TCF7L2: variants seen among roughly 807,000 people sequenced by gnomAD.
The protein encoded by TCF7L2 is transcription factor 7 like 2.
Under a neutral mutation model 77.9 loss-of-function variants are expected in TCF7L2, and 23 were observed. The observed-to-expected ratio is 0.30, with a 90% CI of 0.21 to 0.42. The LOEUF is 0.42. Among genes scored for constraint, TCF7L2 ranks in the 10% least tolerant of loss-of-function variants. The pLI, the probability that TCF7L2 is intolerant of heterozygous loss-of-function variation, is 1.00. For missense variants in TCF7L2, 654 were observed against 793.1 expected (o/e 0.82, Z 2.11); for synonymous variants, 413 against 340.2 (o/e 1.21, Z -2.36).
At chr10:113,110,125 A>G (rs2062932869) in intron 5 of TCF7L2, among the ~76,000 whole-genome samples, 1 of 152,226 alleles carries the variant, frequency 6.6e-6, no homozygotes. Flanking sequence ...CTTCCTCTGA[A>G]TTTGGGAAGC....
chr10:113,156,902 A>G (rs770578410), intron 11 of TCF7L2, among the ~76,000 whole-genome samples: 5 of 152,226 alleles, frequency 3.3e-5, no homozygotes, highest in Admixed American at 1.3e-4. Context: ...TGAAACTGGA[A>G]TGGTGGTAAT....
chr10:112,982,781 C>T (rs1226816374), intron 4 of TCF7L2, among the ~76,000 whole-genome samples: 1 of 152,118 alleles, frequency 6.6e-6, no homozygotes, highest in African/African-American at 2.4e-5. Context: ...CGCACTACCA[C>T]GCCCGGCTAA....
intron 3 of TCF7L2, among the ~76,000 whole-genome samples, chr10:112,964,178 C>A (rs1051265798): frequency 1.3e-5 from 2 of 152,102 alleles, no homozygotes; most frequent in African/African-American, 4.8e-5. Flanking sequence ...CTACATGTTG[C>A]AATTCTGATG....
rs1473800678 is a variant in TCF7L2 at position 113,160,665 on chromosome 10, A to G, written c.1365A>G (p.Arg455=). The change falls in exon 13 of 14, where the codon CGA becomes CGG. Residue 455 remains arginine (R), a synonymous_variant. Coordinates refer to ENST00000627217, the MANE Select transcript of TCF7L2 (RefSeq NM_001146274.2). ...GTCGGGCACTGTTCGGGCTTGACCG[A>G]CAGACTTTATGGTGCAAACCGTGCA... 2.5e-6 allele frequency: 4 copies of G among 1,596,456 alleles called. No homozygotes were observed. The highest frequency in any genetic ancestry group is 3.4e-6 in the Non-Finnish European group (4 of 1,171,102).
intron 5 of TCF7L2, among the ~76,000 whole-genome samples, chr10:113,116,250 T>G (rs1192542175): frequency 2.0e-5 from 3 of 152,228 alleles, no homozygotes; most frequent in Non-Finnish European, 4.4e-5. Context: ...TTTGCCAGTT[T>G]GAACTTGTGT....
chr10:112,967,635 GT>G (rs111510229), intron 4 of TCF7L2, among the ~76,000 whole-genome samples: 91 of 141,682 alleles, frequency 6.4e-4, no homozygotes, highest in South Asian at 3.1e-3. Flanking sequence ...AAAATTAAAA[GT>G]TTTTTTTTTT....
At chr10:113,159,598 A>G (rs1015404676) in intron 12 of TCF7L2, among the ~76,000 whole-genome samples, 1 of 152,158 alleles carries the variant, frequency 6.6e-6, no homozygotes, top group African/African-American at 2.4e-5. Flanking sequence ...TTCCATGTCT[A>G]ACTTCCCTTT....
At chr10:112,968,815 G>A (rs2037594561) in intron 4 of TCF7L2, among the ~76,000 whole-genome samples, 1 of 152,014 alleles carries the variant, frequency 6.6e-6, no homozygotes, top group Admixed American at 6.6e-5. Flanking sequence ...TCCTGACCTC[G>A]TGATCCGGCC....
intron 5 of TCF7L2, among the ~76,000 whole-genome samples, chr10:113,050,298 C>A (rs926110122): frequency 2.0e-5 from 3 of 152,120 alleles, no homozygotes; most frequent in Admixed American, 6.5e-5. Context: ...GTGAAAAAAA[C>A]AGCAAGCATT....
chr10:112,994,893 AGTTCC>A (rs2043185828), intron 4 of TCF7L2, among the ~76,000 whole-genome samples: 1 of 152,112 alleles, frequency 6.6e-6, no homozygotes, highest in African/African-American at 2.4e-5. Context: ...TAAGGTCAGG[AGTTCC>A]AGACCAGCCT....
At chr10:113,083,259 GACAC>G (rs10649541) in intron 5 of TCF7L2, among the ~76,000 whole-genome samples, 11,557 of 143,398 alleles carry the variant, frequency 0.081, 565 homozygotes, top group Non-Finnish European at 0.11. Flanking sequence ...TATACTGATA[GACAC>G]ACACACACAC....
chr10:113,038,421 G>C (rs528772173), intron 4 of TCF7L2, among the ~76,000 whole-genome samples: 1 of 152,268 alleles, frequency 6.6e-6, no homozygotes, highest in African/African-American at 2.4e-5. Flanking sequence ...GACGTCATGG[G>C]AAAATCGACT....
rs774980300 is a variant in TCF7L2 at position 113,152,347 on chromosome 10, C to G, written c.1176C>G (p.Ser392=). ...GTCCCCTCCAGTGGCATGCACTGTC[C>G]AGAGAAGAGCAAGCGAAATACTACG... The change falls in exon 11 of 14, where the codon TCC becomes TCG. Residue 392 remains serine, a synonymous_variant. Transcript: ENST00000627217. 3.7e-6 allele frequency: 6 copies of G among 1,613,992 alleles called. No individual in the cohort carries two copies. Among genetic ancestry groups the G allele is most frequent in the Non-Finnish European group, 5.1e-6 (6 of 1,179,994 alleles).
intron 5 of TCF7L2, chr10:113,126,667 T>C: frequency 1.0e-6 from 1 of 985,268 alleles, no homozygotes; most frequent in Non-Finnish European, 1.2e-6. Flanking sequence ...GATAATTCTG[T>C]GAATGGAACT....
intron 5 of TCF7L2, among the ~76,000 whole-genome samples, chr10:113,065,076 C>T (rs1156807527): frequency 2.0e-5 from 3 of 152,208 alleles, no homozygotes; most frequent in African/African-American, 7.2e-5. Flanking sequence ...TTCCCTGACT[C>T]CACCTGTCAT....
intron 3 of TCF7L2, among the ~76,000 whole-genome samples, chr10:112,953,877 T>G (rs2134278952): frequency 6.6e-6 from 1 of 152,364 alleles, no homozygotes. Flanking sequence ...AACACATTTC[T>G]GAACTCAGTA....
intron 11 of TCF7L2, among the ~76,000 whole-genome samples, chr10:113,153,146 C>T (rs1443727090): frequency 6.6e-6 from 1 of 152,198 alleles, no homozygotes; most frequent in African/African-American, 2.4e-5. Context: ...GTAGGAAACA[C>T]CATGGGATGA....
intron 5 of TCF7L2, among the ~76,000 whole-genome samples, chr10:113,101,549 AAAG>A (rs2061635616): frequency 6.6e-6 from 1 of 151,702 alleles, no homozygotes; most frequent in South Asian, 2.1e-4. Context: ...CCTCTTAAAA[AAAG>A]AAGAGAGGGG....
chr10:112,972,517 T>A (rs1370308661), intron 4 of TCF7L2, among the ~76,000 whole-genome samples: 1 of 152,220 alleles, frequency 6.6e-6, no homozygotes, highest in Non-Finnish European at 1.5e-5. Flanking sequence ...TCACCCAGGC[T>A]GGAGCACAGT....
Sources: allele counts gnomAD v4.1 joint callset (sites outside exome capture counted in the v4.1 genomes callset), GRCh38; gene constraint gnomAD v4.1.1; transcripts MANE v1.5; gene names NCBI Gene and HGNC (gene_info 2026-07-23, HGNC 2026-07-21).